The following NOTCH2 variants were observed in gnomAD, a reference collection of about 807,000 sequenced individuals.
NOTCH2 encodes the protein neurogenic locus notch homolog protein 2.
A neutral mutation model predicts 235.8 loss-of-function variants in NOTCH2; 29 were observed. The ratio of observed to expected loss-of-function variants is 0.12; its 90% CI spans 0.09 to 0.17. The LOEUF is 0.17. Ranked by LOEUF, NOTCH2 falls within the 10% of genes least tolerant of loss-of-function variation. The pLI, the probability that NOTCH2 is intolerant of heterozygous loss-of-function variation, is 1.00. For synonymous variants in NOTCH2, 1,086 were observed against 1,141.5 expected, an observed-to-expected ratio of 0.95 and a Z score of 0.98; for missense variants, 2,285 against 3,150.2, an observed-to-expected ratio of 0.73 and a Z score of 6.57.
chr1:120,043,125 T>TA (rs112642336), intron 1 of NOTCH2, among the ~76,000 whole-genome samples: 3 of 151,856 alleles, frequency 2.0e-5, no homozygotes, highest in African/African-American at 7.3e-5. Context: ...CCATACAATA[T>TA]ATTTAGGATT....
rs370678356 is a variant in NOTCH2, at chr1:119,913,175, T to C, written c.*2131A>G. 8 of 233,156 alleles carry C rather than the reference T, an allele frequency of 3.4e-5. No individual in the cohort carries two copies. The highest frequency in any genetic ancestry group is 1.1e-4 in the Admixed American group (2 of 17,784). 14.4% of individuals were successfully genotyped at this position (233,156 alleles called of 1,614,324 possible). ...AGAATGATAAAATGTTTGCACACTA[T>C]GAAAGAGGCTGACAGAATGTTGCCA... On this transcript the variant is annotated 3_prime_UTR_variant, in exon 34 of 34. Coordinates refer to ENST00000256646, the MANE Select transcript of NOTCH2 (RefSeq NM_024408.4).
At chr1:120,006,738 C>T (rs1652991609) in intron 2 of NOTCH2, among the ~76,000 whole-genome samples, 1 of 151,774 alleles carries the variant, frequency 6.6e-6, no homozygotes. Flanking sequence ...TTAAACCAAA[C>T]TCTAAATCCC....
chr1:119,937,732 A>G (rs1649909907), intron 20 of NOTCH2, 125 bp downstream of exon 20: 5 of 1,057,116 alleles, frequency 4.7e-6, no homozygotes, highest in Non-Finnish European at 7.0e-6. Flanking sequence ...CTTTCCCCAG[A>G]GCCCTGCCCA....
chr1:119,923,586 A>C, intron 26 of NOTCH2, 51 bp downstream of exon 26: 2 of 1,480,946 alleles, frequency 1.4e-6, no homozygotes, highest in Non-Finnish European at 1.9e-6. Context: ...TATATGTCAA[A>C]GTGCTAGGCT....
chr1:120,012,006 ACTCC>A (rs1473496492), intron 2 of NOTCH2, among the ~76,000 whole-genome samples: 1 of 131,952 alleles, frequency 7.6e-6, no homozygotes, highest in African/African-American at 3.0e-5. Flanking sequence ...ACAGAGCGAG[ACTCC>A]CTCTCAAAAA....
At chr1:119,949,486 A>G (rs1650384759) in intron 15 of NOTCH2, among the ~76,000 whole-genome samples, 1 of 146,506 alleles carries the variant, frequency 6.8e-6, no homozygotes, top group Admixed American at 7.1e-5. Flanking sequence ...TCCCAGGTTC[A>G]TGCCATTCTC....
At chr1:119,978,522 G>A (rs1485274803) in intron 5 of NOTCH2, among the ~76,000 whole-genome samples, 4 of 152,122 alleles carry the variant, frequency 2.6e-5, no homozygotes, top group Non-Finnish European at 5.9e-5. Flanking sequence ...GCCACTATTG[G>A]CCACTATAGC....
At chr1:120,009,203 T>C (rs1243680238) in intron 2 of NOTCH2, among the ~76,000 whole-genome samples, 2 of 151,830 alleles carry the variant, frequency 1.3e-5, no homozygotes, top group African/African-American at 4.8e-5. Flanking sequence ...GAGCTGTAAC[T>C]GGGATGTGGA....
At chr1:119,934,946 C>T (rs1020797891) in intron 22 of NOTCH2, among the ~76,000 whole-genome samples, 1 of 152,212 alleles carries the variant, frequency 6.6e-6, no homozygotes, top group African/African-American at 2.4e-5. Flanking sequence ...CATCACTCAA[C>T]AGTCCAGGGT....
intron 2 of NOTCH2, among the ~76,000 whole-genome samples, chr1:120,029,422 C>T (rs1654007098): frequency 1.3e-5 from 2 of 152,002 alleles, no homozygotes; most frequent in East Asian, 1.9e-4. Context: ...GTGGTGTCAG[C>T]TCACTGCAAC....
rs372538600 is a variant in NOTCH2, at chr1:119,916,409, G to A, written c.6313C>T (p.Arg2105Trp). ...KHTPMGKKSR[R>W]PSAKSTMPTS... ...GGCATGGTACTCTTGGCACTGGGCCGTCTAGACTTCTTGCCCATTGGGGTG... is the reference window on the plus strand; with the variant it reads ...GGCATGGTACTCTTGGCACTGGGCCATCTAGACTTCTTGCCCATTGGGGTG... Residue 2105 changes from arginine to tryptophan, a missense_variant, in exon 34 of 34, where the codon CGG becomes TGG. Physicochemically the swap from Arg to Trp is moderately radical, Grantham distance 101. Around this residue, in one of 6 missense-constraint regions of NOTCH2, gnomAD observed 504 missense variants for 538.0 expected, o/e 0.94. Transcript: ENST00000256646. The A allele has an allele frequency of 5.1e-5, 83 of 1,614,178 alleles. No individual in the cohort carries two copies. Among genetic ancestry groups the A allele is most frequent in the Admixed American group, 8.3e-5 (5 of 60,028 alleles).
intron 17 of NOTCH2, 67 bp from the exon 18 acceptor site, chr1:119,941,821 T>G: frequency 8.1e-7 from 1 of 1,230,014 alleles, no homozygotes. Context: ...TTCATAAAAG[T>G]GAATGACCTG....
rs1420652887 is a variant in NOTCH2 at position 119,969,816 on chromosome 1, A to G, written c.875-72T>C. Reference sequence around the variant, plus strand: ...GACTAGTACCATACCAGCCCCCCACACTCTTCATCTTCATGTGACCTGTCT... The same window carrying G: ...GACTAGTACCATACCAGCCCCCCACGCTCTTCATCTTCATGTGACCTGTCT... On this transcript the variant is annotated intron_variant, in intron 5 of 33. Transcript: ENST00000256646. 13 of 1,283,844 alleles carry G rather than the reference A, an allele frequency of 1.0e-5. No homozygotes were observed. In the African/African-American group the frequency reaches 1.9e-4, roughly 19 times the overall value. 79.5% of individuals were successfully genotyped at this position (1,283,844 alleles called of 1,614,324 possible).
At chr1:119,919,800 A>T (rs906129663) in intron 30 of NOTCH2, among the ~76,000 whole-genome samples, 187 bp from the exon 31 acceptor site, 1 of 152,236 alleles carries the variant, frequency 6.6e-6, no homozygotes, top group Admixed American at 6.5e-5. Context: ...TGTAAAGAAT[A>T]ATGGGAAAGT....
chr1:119,919,424 GC>G lies in NOTCH2; in HGVS notation c.5668del (p.Ala1890LeufsTer40). ...ALHLAARYSRADAAKRLLDAG... is the reference protein window; with the variant it reads ...ALHLAARYSRXDAAKRLLDAG... ...ATCCAGGAGACGCTTGGCAGCATCA[GC>G]CCGTGAGTAGCGGGCTGCAAGGTGC... On this transcript the variant is annotated frameshift_variant, in exon 31 of 34. Coordinates refer to ENST00000256646, the MANE Select transcript of NOTCH2 (RefSeq NM_024408.4). LOFTEE classifies it high-confidence loss of function. The G allele has an allele frequency of 6.2e-7, 1 of 1,613,818 alleles. No individual in the cohort carries two copies. Among genetic ancestry groups the G allele is most frequent in the Non-Finnish European group, 8.5e-7 (1 of 1,180,038 alleles).
At position 119,941,524 on chromosome 1, in the gene NOTCH2, A is replaced by G; in HGVS notation, c.2981+2T>C. 1 of 1,607,300 alleles carries G rather than the reference A, an allele frequency of 6.2e-7. No individual in the cohort carries two copies. The highest frequency in any genetic ancestry group is 8.5e-7 in the Non-Finnish European group (1 of 1,174,070). ...CTGATGCCCGAGGGACTGGTTGCTC[A>G]CCTCTCAGTGCACTCATTGATGTTG... On this transcript the variant is annotated splice_donor_variant, in intron 18 of 33. Transcript: ENST00000256646. LOFTEE classifies it high-confidence loss of function.
intron 2 of NOTCH2, among the ~76,000 whole-genome samples, chr1:120,017,865 G>C (rs1553208351): frequency 1.3e-5 from 2 of 151,354 alleles, no homozygotes; most frequent in African/African-American, 4.9e-5. Flanking sequence ...ATCGGTTGTT[G>C]ATAAAAGACT....
At position 119,966,629 on chromosome 1, in the gene NOTCH2, G is replaced by A. The variant is rs1651147794; in HGVS notation, c.1454-140C>T. On this transcript the variant is annotated intron_variant, in intron 8 of 33. Transcript: ENST00000256646. ...GAGAAAAAAGGAACTCTGCCATGAT[G>A]AGAAATAGTCACTCCAAGTGTCAAG... The A allele has an allele frequency of 5.2e-5, 37 of 707,098 alleles. No homozygotes were observed. In the Admixed American group the frequency reaches 7.4e-4, roughly 14 times the overall value. 43.8% of individuals were successfully genotyped at this position (707,098 alleles called of 1,614,324 possible).
intron 5 of NOTCH2, among the ~76,000 whole-genome samples, chr1:119,978,862 G>C (rs1180760558): frequency 5.1e-4 from 77 of 151,946 alleles, no homozygotes; most frequent in Non-Finnish European, 1.6e-4. Flanking sequence ...CTATGGGCAG[G>C]CAGTTACTCT....
Sources: allele counts gnomAD v4.1 joint callset (sites outside exome capture counted in the v4.1 genomes callset), GRCh38; gene constraint gnomAD v4.1.1; regional missense constraint gnomAD v4.1.1; transcripts MANE v1.5; gene names NCBI Gene and HGNC (gene_info 2026-07-23, HGNC 2026-07-21).